Variants in SLC9A9 observed in about 807,000 individuals in gnomAD.
The protein encoded by SLC9A9 is solute carrier family 9 member A9.
SLC9A9 carries 62 observed loss-of-function variants against 77.8 expected under a neutral mutation model. The observed-to-expected ratio is 0.80, with a 90% CI of 0.65 to 0.98. The LOEUF (loss-of-function observed/expected upper bound fraction) is 0.98, where lower values mean the gene tolerates loss of function less well. Ranked by LOEUF, SLC9A9 falls within the 50% of genes least tolerant of loss-of-function variation. The pLI, the probability that SLC9A9 is intolerant of heterozygous loss-of-function variation, is 0.00. For missense variants in SLC9A9, 775 were observed against 774.9 expected, an observed-to-expected ratio of 1.00 and a Z score of 0.00; for synonymous variants, 320 against 283.5, an observed-to-expected ratio of 1.13 and a Z score of -1.29.
At chr3:143,605,989 A>G (rs2037916083) in intron 6 of SLC9A9, among the ~76,000 whole-genome samples, 1 of 152,200 alleles carries the variant, frequency 6.6e-6, no homozygotes, top group Non-Finnish European at 1.5e-5. Context: ...GCTCCATGCT[A>G]TTTATAAAGA....
At chr3:143,694,124 T>C (rs1933559538) in intron 4 of SLC9A9, among the ~76,000 whole-genome samples, 1 of 152,124 alleles carries the variant, frequency 6.6e-6, no homozygotes, top group Admixed American at 6.6e-5. Context: ...TTAGAAACTA[T>C]AGACCATCAA....
At chr3:143,503,545 G>T in intron 9 of SLC9A9, 1 of 406,986 alleles carries the variant, frequency 2.5e-6, no homozygotes, top group South Asian at 1.9e-5. Context: ...TGGCAGGTCA[G>T]GTCTGTGACT....
chr3:143,482,526 T>C (rs1345957850), intron 11 of SLC9A9, among the ~76,000 whole-genome samples: 1 of 152,174 alleles, frequency 6.6e-6, no homozygotes, highest in Non-Finnish European at 1.5e-5. Context: ...TCCTACAACC[T>C]TCCCAGGTGC....
rs572060672 is a variant in SLC9A9, at chr3:143,265,701, C to T, written c.*1001G>A. 1 of 417,156 alleles carries T rather than the reference C, an allele frequency of 2.4e-6. No homozygotes were observed. Among genetic ancestry groups the T allele is most frequent in the Non-Finnish European group, 4.2e-6 (1 of 238,408 alleles). 25.8% of individuals were successfully genotyped at this position (417,156 alleles called of 1,614,324 possible). Reference sequence around the variant, plus strand: ...TGAGCCACGCCTTGTAAGGGGGAGACCTGAGGCCCTGTCCTTGGCTCCTCA... The same window carrying T: ...TGAGCCACGCCTTGTAAGGGGGAGATCTGAGGCCCTGTCCTTGGCTCCTCA... On this transcript the variant is annotated 3_prime_UTR_variant, in exon 16 of 16. Coordinates refer to ENST00000316549, the MANE Select transcript of SLC9A9 (RefSeq NM_173653.4).
intron 2 of SLC9A9, among the ~76,000 whole-genome samples, chr3:143,798,012 G>A (rs12523580): frequency 2.8e-4 from 43 of 152,248 alleles, no homozygotes; most frequent in Admixed American, 9.8e-4. Context: ...TCTTTGCTCC[G>A]TGAGAAAGAT....
chr3:143,620,819 T>C (rs2038193756), intron 6 of SLC9A9, among the ~76,000 whole-genome samples: 1 of 152,052 alleles, frequency 6.6e-6, no homozygotes, highest in Non-Finnish European at 1.5e-5. Flanking sequence ...GGGCGAGGCA[T>C]TGTCTCACCC....
chr3:143,592,051 C>T (rs1282002617), intron 6 of SLC9A9, among the ~76,000 whole-genome samples: 1 of 152,214 alleles, frequency 6.6e-6, no homozygotes, highest in African/African-American at 2.4e-5. Flanking sequence ...TTCCTTAAAA[C>T]TTTCATCACC....
chr3:143,653,691 C>G (rs747950378), intron 5 of SLC9A9, among the ~76,000 whole-genome samples: 1 of 152,092 alleles, frequency 6.6e-6, no homozygotes, highest in Non-Finnish European at 1.5e-5. Context: ...GGCAGAAGAG[C>G]AGAGGGCAGA....
chr3:143,424,271 CT>C (rs34418520), intron 12 of SLC9A9, among the ~76,000 whole-genome samples: 34,662 of 144,068 alleles, frequency 0.24, 4,985 homozygotes, highest in African/African-American at 0.42. Context: ...TACTTGAAAC[CT>C]TTTTTTTTTT....
chr3:143,564,600 T>C (rs2037138056), intron 8 of SLC9A9, among the ~76,000 whole-genome samples: 1 of 152,098 alleles, frequency 6.6e-6, no homozygotes. Context: ...AGTCAAAGAT[T>C]TAACAAAATG....
chr3:143,290,462 A>G (rs370403726), intron 14 of SLC9A9, among the ~76,000 whole-genome samples: 7 of 152,370 alleles, frequency 4.6e-5, no homozygotes, highest in African/African-American at 1.7e-4. Flanking sequence ...ACACATTCCC[A>G]GATTTGAGTC....
chr3:143,405,113 C>G (rs1193687679), intron 12 of SLC9A9, among the ~76,000 whole-genome samples: 5 of 152,152 alleles, frequency 3.3e-5, no homozygotes, highest in Non-Finnish European at 7.4e-5. Context: ...TGAATGTGAT[C>G]CCAGAAGGGC....
chr3:143,367,415 T>C (rs1450028192), intron 13 of SLC9A9, among the ~76,000 whole-genome samples: 1 of 152,212 alleles, frequency 6.6e-6, no homozygotes, highest in Non-Finnish European at 1.5e-5. Context: ...CTAGATAAGA[T>C]GTTCAGAATA....
intron 12 of SLC9A9, among the ~76,000 whole-genome samples, chr3:143,451,435 T>C (rs1525007): frequency 0.77 from 117,551 of 152,100 alleles, 46,621 homozygotes; most frequent in East Asian, 1. Flanking sequence ...CATTGCAACT[T>C]TTTGGATTTT....
intron 14 of SLC9A9, among the ~76,000 whole-genome samples, chr3:143,319,548 G>A (rs554233538): frequency 3.9e-5 from 6 of 152,300 alleles, no homozygotes; most frequent in Middle Eastern, 3.4e-3. Flanking sequence ...GATCTTCCCC[G>A]CGTTTTCATC....
intron 2 of SLC9A9, among the ~76,000 whole-genome samples, chr3:143,819,639 T>C (rs1391944661): frequency 6.6e-6 from 1 of 152,170 alleles, no homozygotes; most frequent in Non-Finnish European, 1.5e-5. Flanking sequence ...AAAATTTCCA[T>C]GGAAAAGAAA....
In SLC9A9 at chr3:143,387,729, G is replaced by C. The variant is rs917550108; in HGVS notation, c.1470-5615C>G. On this transcript the variant is annotated intron_variant, in intron 12 of 15. Transcript: ENST00000316549. ...CTTCCTATTGCACTTCCACTCTTTG[G>C]TGAGTTTTATTAGACATATTAAAAT... is the stretch of plus-strand genomic sequence containing the variant. 3.3e-5 allele frequency among the ~76,000 whole-genome samples: 5 copies of C among 151,182 alleles called. No individual in the cohort carries two copies. The South Asian group carries it at 1.0e-3, about 32-fold the overall frequency.
chr3:143,742,608 C>T (rs1434273897), intron 4 of SLC9A9, among the ~76,000 whole-genome samples: 3 of 152,080 alleles, frequency 2.0e-5, no homozygotes, highest in Non-Finnish European at 2.9e-5. Context: ...TAAGAGGAGT[C>T]TAAGGAGAAA....
chr3:143,463,513 T>G (rs1018251784), intron 12 of SLC9A9, among the ~76,000 whole-genome samples: 1 of 152,222 alleles, frequency 6.6e-6, no homozygotes, highest in Non-Finnish European at 1.5e-5. Flanking sequence ...TGGTCTTTTT[T>G]GTTTCCTGGG....
Sources: gnomAD v4.1 joint callset for allele counts (sites outside exome capture counted in the v4.1 genomes callset) on GRCh38, gnomAD v4.1.1 for gene constraint, MANE v1.5 for transcripts, NCBI Gene and HGNC (gene_info 2026-07-23, HGNC 2026-07-21) for gene names.